Variants in LRRIQ1 observed in about 807,000 individuals in gnomAD.
LRRIQ1 encodes leucine-rich repeat- and IQ domain-containing protein 1.
LRRIQ1 carries 210 observed loss-of-function variants against 211.9 expected under a neutral mutation model. The observed-to-expected ratio is 0.99, with a 90% CI of 0.89 to 1.11. The LOEUF (loss-of-function observed/expected upper bound fraction) is 1.11. Ranked by LOEUF, LRRIQ1 falls within the 50% of genes most tolerant of loss-of-function variation. The pLI, the probability that LRRIQ1 is intolerant of heterozygous loss-of-function variation, is 0.00. For missense variants in LRRIQ1, 2,136 were observed against 1,939.5 expected, an observed-to-expected ratio of 1.10 and a Z score of -1.90; for synonymous variants, 699 against 650.1, an observed-to-expected ratio of 1.08 and a Z score of -1.14.
At chr12:85,263,114 A>C (rs760233752) in exon 2 of LRRIQ1, 1 of 962,496 alleles carries the variant, frequency 1.0e-6, no homozygotes, top group Non-Finnish European at 1.2e-6. Context: ...TGAAGTCTGG[A>C]TATCTAGTCA....
chr12:85,246,628 T>G (rs187543381), downstream of LRRIQ1, among the ~76,000 whole-genome samples: 1 of 151,566 alleles, frequency 6.6e-6, no homozygotes, highest in Admixed American at 6.6e-5. Flanking sequence ...TATAATTATA[T>G]AGAGTTCATT....
In LRRIQ1 at chr12:85,123,743, T is replaced by C. The variant is rs188900629; in HGVS notation, c.3558-327T>C. 2.3e-3 allele frequency among the ~76,000 whole-genome samples: 343 copies of C among 152,288 alleles called. 3 individuals are homozygous for C. The highest frequency in any genetic ancestry group is 3.5e-3 in the Non-Finnish European group (238 of 67,990). On this transcript the variant is annotated intron_variant, in intron 16 of 26. Coordinates refer to ENST00000393217, the MANE Select transcript of LRRIQ1 (RefSeq NM_001079910.2). ...TCATAAATAACTTCTCCAAATTTAG[T>C]CAGCCATGATTTCTCATGTTTATGG...
intron 19 of LRRIQ1, among the ~76,000 whole-genome samples, chr12:85,142,678 ATAT>A (rs1426913997): frequency 1.3e-5 from 2 of 151,450 alleles, no homozygotes; most frequent in Non-Finnish European, 3.0e-5. Context: ...TACTTCTGTG[ATAT>A]TAAGTTTTTT....
At chr12:85,187,116 G>T in intron 24 of LRRIQ1, among the ~76,000 whole-genome samples, 1 of 151,798 alleles carries the variant, frequency 6.6e-6, no homozygotes, top group Non-Finnish European at 1.5e-5. Context: ...GCTTCCCAAA[G>T]GAGAAAAAAC....
chr12:85,214,549 A>G (rs1325662087), intron 24 of LRRIQ1, among the ~76,000 whole-genome samples: 1 of 152,064 alleles, frequency 6.6e-6, no homozygotes. Flanking sequence ...AGGTAAGGAT[A>G]TAGAAAACAG....
Position 85,084,215 on chromosome 12 carries a change from T to A in LRRIQ1, c.2887+11117T>A, listed in dbSNP as rs75556823. Among the ~76,000 whole-genome samples the A allele has an allele frequency of 6.6e-5, 10 of 152,256 alleles. No individual in the cohort carries two copies. The East Asian group carries it at 1.9e-3, about 29-fold the overall frequency. On this transcript the variant is annotated intron_variant, in intron 11 of 26. Coordinates refer to ENST00000393217, the MANE Select transcript of LRRIQ1 (RefSeq NM_001079910.2). ...ATCACATACAACTATTAAAATAAAA[T>A]TGCAATAAAAATAGCAAACACCTGA...
chr12:85,207,420 A>T (rs1255247630), intron 24 of LRRIQ1, among the ~76,000 whole-genome samples: 1 of 152,054 alleles, frequency 6.6e-6, no homozygotes, highest in African/African-American at 2.4e-5. Context: ...TGTATTTTTG[A>T]TAACAGTCCT....
intron 18 of LRRIQ1, 105 bp from the exon 19 acceptor site, chr12:85,137,745 A>C: frequency 1.1e-6 from 1 of 931,126 alleles, no homozygotes; most frequent in Non-Finnish European, 1.5e-6. Context: ...TTGTGTCATT[A>C]AACTTAGGTC....
intron 25 of LRRIQ1, among the ~76,000 whole-genome samples, chr12:85,230,815 C>A (rs1437168983): frequency 6.6e-6 from 1 of 151,042 alleles, no homozygotes; most frequent in Non-Finnish European, 1.5e-5. Flanking sequence ...TTTGGGAGGC[C>A]GAGGCGGGCG....
intron 23 of LRRIQ1, among the ~76,000 whole-genome samples, chr12:85,158,138 C>T (rs980392444): frequency 6.6e-6 from 1 of 151,836 alleles, no homozygotes; most frequent in East Asian, 1.9e-4. Context: ...TAAAATTCAT[C>T]TGAATAGTAA....
chr12:85,114,297 A>C (rs1031006031), intron 15 of LRRIQ1, among the ~76,000 whole-genome samples: 2 of 152,120 alleles, frequency 1.3e-5, no homozygotes, highest in Admixed American at 6.6e-5. Context: ...ACAAATAAAA[A>C]ATACTAGCTT....
chr12:85,087,852 G>T (rs1174157400), intron 11 of LRRIQ1, among the ~76,000 whole-genome samples: 2 of 151,884 alleles, frequency 1.3e-5, no homozygotes, highest in East Asian at 1.9e-4. Flanking sequence ...TTAGCCCTTT[G>T]TCAGATGGGT....
chr12:85,153,382 G>T (rs936534563), intron 21 of LRRIQ1, among the ~76,000 whole-genome samples: 1 of 151,432 alleles, frequency 6.6e-6, no homozygotes, highest in Admixed American at 6.6e-5. Flanking sequence ...ATTAATTATT[G>T]TAAACAAGTG....
intron 24 of LRRIQ1, among the ~76,000 whole-genome samples, chr12:85,197,960 T>TAAA (rs1565898413): frequency 9.1e-6 from 1 of 109,448 alleles, no homozygotes; most frequent in Non-Finnish European, 1.7e-5. Context: ...TAATTATATA[T>TAAA]TATATATAAA....
At chr12:85,072,405 G>T (rs977628091) in intron 10 of LRRIQ1, among the ~76,000 whole-genome samples, 2 of 151,880 alleles carry the variant, frequency 1.3e-5, no homozygotes, top group Non-Finnish European at 2.9e-5. Flanking sequence ...TTATTATTGG[G>T]ATAAAGAGTT....
chr12:85,126,443 T>TA lies in LRRIQ1; in HGVS notation c.4008-1388dup, dbSNP rs550875442. ...TGATTCTTTTATCACCCAAAGTGCC[T>TA]ATTAAAGGTGCTTTGAAATCCCCTA... On this transcript the variant is annotated intron_variant, in intron 17 of 26. Coordinates refer to ENST00000393217, the MANE Select transcript of LRRIQ1 (RefSeq NM_001079910.2). Among the ~76,000 whole-genome samples, 17 of 152,310 alleles carry TA rather than the reference T, an allele frequency of 1.1e-4. No individual in the cohort carries two copies. The East Asian group carries it at 3.1e-3, about 28-fold the overall frequency.
At chr12:85,165,610 T>C (rs1382214366) in intron 24 of LRRIQ1, among the ~76,000 whole-genome samples, 1 of 151,604 alleles carries the variant, frequency 6.6e-6, no homozygotes, top group Non-Finnish European at 1.5e-5. Flanking sequence ...GTAGCTGGCA[T>C]TACAGGCACA....
intron 24 of LRRIQ1, among the ~76,000 whole-genome samples, chr12:85,180,945 A>G (rs567384984): frequency 6.6e-6 from 1 of 152,006 alleles, no homozygotes; most frequent in South Asian, 2.1e-4. Flanking sequence ...GGTGAATACA[A>G]ATACTTGATA....
At chr12:85,153,910 T>C in intron 22 of LRRIQ1, 102 bp from the exon 23 acceptor site, 1 of 957,150 alleles carries the variant, frequency 1.0e-6, no homozygotes, top group East Asian at 2.8e-5. Flanking sequence ...TCACATTTAT[T>C]TTAGTATGCT....
Sources: allele counts gnomAD v4.1 joint callset (sites outside exome capture counted in the v4.1 genomes callset), GRCh38; gene constraint gnomAD v4.1.1; transcripts MANE v1.5; gene names NCBI Gene and HGNC (gene_info 2026-07-23, HGNC 2026-07-21).